The following ZNF423 variants were observed in gnomAD, a reference collection of about 807,000 sequenced individuals.
ZNF423 encodes zinc finger protein 423, also known as Ebf-associated zinc finger protein.
In ZNF423, 12 loss-of-function variants were observed where a neutral mutation model predicts 95.8. That is an observed-to-expected ratio of 0.13 (90% confidence interval 0.08 to 0.20). The LOEUF (loss-of-function observed/expected upper bound fraction) is 0.20, where lower values mean the gene tolerates loss of function less well. Among genes scored for constraint, ZNF423 ranks in the 10% least tolerant of loss-of-function variants. ZNF423 has a pLI of 1.00. For synonymous variants in ZNF423, 749 were observed against 711.9 expected, an observed-to-expected ratio of 1.05 and a Z score of -0.83; for missense variants, 1,316 against 1,737.1, an observed-to-expected ratio of 0.76 and a Z score of 4.31.
At chr16:49,591,197 G>A (rs1407808920) in intron 5 of ZNF423, among the ~76,000 whole-genome samples, 1 of 151,914 alleles carries the variant, frequency 6.6e-6, no homozygotes, top group African/African-American at 2.4e-5. Context: ...AAAATAGGAT[G>A]AGCATTGTAA....
intron 2 of ZNF423, among the ~76,000 whole-genome samples, chr16:49,782,369 T>C (rs1188032415): frequency 6.6e-6 from 1 of 152,232 alleles, no homozygotes; most frequent in Non-Finnish European, 1.5e-5. Flanking sequence ...CTCACATGTA[T>C]GTGAAAAGCA....
chr16:49,714,267 A>G, intron 3 of ZNF423, among the ~76,000 whole-genome samples: 1 of 152,102 alleles, frequency 6.6e-6, no homozygotes, highest in Admixed American at 6.5e-5. Context: ...CCTCCTTATT[A>G]TCTGTTTCCC....
intron 1 of ZNF423, among the ~76,000 whole-genome samples, chr16:49,837,896 T>A (rs1452220107): frequency 6.6e-6 from 1 of 152,240 alleles, no homozygotes; most frequent in African/African-American, 2.4e-5. Flanking sequence ...CGGGAGGACC[T>A]TGTCGAAGTC....
intron 5 of ZNF423, among the ~76,000 whole-genome samples, chr16:49,579,515 C>T (rs545795637): frequency 6.6e-6 from 1 of 152,144 alleles, no homozygotes; most frequent in African/African-American, 2.4e-5. Context: ...TATTACAGAC[C>T]GTGGGGAGCT....
intron 1 of ZNF423, among the ~76,000 whole-genome samples, chr16:49,801,149 T>C (rs984842750): frequency 1.6e-4 from 24 of 152,200 alleles, no homozygotes; most frequent in African/African-American, 3.9e-4. Context: ...CCTGGGTACG[T>C]TGGCAGCCCC....
chr16:49,631,540 C>G (rs1020511185), intron 4 of ZNF423, among the ~76,000 whole-genome samples: 1 of 152,192 alleles, frequency 6.6e-6, no homozygotes, highest in Non-Finnish European at 1.5e-5. Context: ...GGGGCCCAGC[C>G]CAGGAGAACT....
chr16:49,746,123 C>T (rs2143532281), intron 2 of ZNF423, among the ~76,000 whole-genome samples: 1 of 152,224 alleles, frequency 6.6e-6, no homozygotes, highest in Middle Eastern at 3.4e-3. Flanking sequence ...TAACAACATC[C>T]TACATCAACT....
Position 49,549,545 on chromosome 16 carries a change from G to T in ZNF423, c.3602-24051C>A, listed in dbSNP as rs118160349. Among the ~76,000 whole-genome samples, 1,097 of 152,326 alleles carry T rather than the reference G, an allele frequency of 7.2e-3. 9 individuals carry two copies. Among genetic ancestry groups the T allele is most frequent in the Non-Finnish European group, 0.011 (782 of 68,028 alleles). On this transcript the variant is annotated intron_variant, in intron 5 of 7. Transcript: ENST00000563137. ...CCTCTCCTCCAGAGGTTGGCTGACC[G>T]AGAAGGTGACAGGTCTGGGACCACA...
chr16:49,500,036 G>C (rs144545853), intron 7 of ZNF423, among the ~76,000 whole-genome samples: 4 of 152,142 alleles, frequency 2.6e-5, no homozygotes, highest in African/African-American at 9.7e-5. Context: ...TTGGGTGAGC[G>C]GTGAGACTTT....
chr16:49,817,637 T>G (rs1378535006), intron 1 of ZNF423, among the ~76,000 whole-genome samples: 1 of 152,066 alleles, frequency 6.6e-6, no homozygotes, highest in African/African-American at 2.4e-5. Flanking sequence ...CAGGAGGTGC[T>G]CAGGCAGAGC....
chr16:49,591,839 GA>G (rs201723951), intron 5 of ZNF423, among the ~76,000 whole-genome samples: 1 of 151,118 alleles, frequency 6.6e-6, no homozygotes, highest in Admixed American at 6.6e-5. Flanking sequence ...TTCTACACAG[GA>G]AAAAAAAACA....
intron 1 of ZNF423, among the ~76,000 whole-genome samples, chr16:49,804,125 G>T (rs1330054892): frequency 3.3e-5 from 5 of 151,914 alleles, no homozygotes; most frequent in African/African-American, 1.2e-4. Context: ...AGTAGAGATG[G>T]GGTTTCACCA....
chr16:49,559,027 G>C (rs1465149492), intron 5 of ZNF423, among the ~76,000 whole-genome samples: 2 of 152,234 alleles, frequency 1.3e-5, no homozygotes, highest in African/African-American at 4.8e-5. Context: ...CCTCAACCTT[G>C]GACATCCCTG....
chr16:49,625,043 C>T (rs757452138), intron 5 of ZNF423, among the ~76,000 whole-genome samples: 6 of 152,182 alleles, frequency 3.9e-5, no homozygotes, highest in Admixed American at 2.6e-4. Flanking sequence ...GTTAAGACAA[C>T]AATGAAAAGA....
chr16:49,683,859 C>T (rs1215865512), intron 3 of ZNF423, among the ~76,000 whole-genome samples: 1 of 152,194 alleles, frequency 6.6e-6, no homozygotes, highest in Non-Finnish European at 1.5e-5. Flanking sequence ...AGGCAGATCG[C>T]TTGAGCCCAG....
chr16:49,699,177 G>A (rs1235344271), intron 3 of ZNF423, among the ~76,000 whole-genome samples: 1 of 152,222 alleles, frequency 6.6e-6, no homozygotes, highest in Non-Finnish European at 1.5e-5. Flanking sequence ...ACCCAGGGGA[G>A]CTGGGCGAGG....
chr16:49,779,721 T>C (rs1364060204), intron 2 of ZNF423, among the ~76,000 whole-genome samples: 9 of 152,230 alleles, frequency 5.9e-5, no homozygotes, highest in African/African-American at 1.9e-4. Context: ...TGATTTCCAG[T>C]GTCCACCAGC....
intron 6 of ZNF423, among the ~76,000 whole-genome samples, chr16:49,524,101 C>T (rs139932121): frequency 2.0e-5 from 3 of 152,246 alleles, no homozygotes; most frequent in Admixed American, 6.5e-5. Flanking sequence ...CTGTCTTCCT[C>T]GTCCCCATCA....
At chr16:49,698,035 G>A (rs2032039587) in intron 3 of ZNF423, among the ~76,000 whole-genome samples, 3 of 152,124 alleles carry the variant, frequency 2.0e-5, no homozygotes, top group African/African-American at 2.4e-5. Flanking sequence ...GGACCAGCCC[G>A]ACTCCACATT....
Sources: allele counts gnomAD v4.1 joint callset (sites outside exome capture counted in the v4.1 genomes callset), GRCh38; gene constraint gnomAD v4.1.1; transcripts MANE v1.5; gene names NCBI Gene and HGNC (gene_info 2026-07-23, HGNC 2026-07-21).